Variants in SATB1 observed in about 807,000 individuals in gnomAD.
The protein encoded by SATB1 is SATB homeobox 1.
SATB1 carries 11 observed loss-of-function variants against 86.9 expected under a neutral mutation model. That is an observed-to-expected ratio of 0.13 (90% CI 0.08 to 0.21). The LOEUF is 0.21. SATB1 is among the 10% of genes least tolerant of loss of function. The pLI is 1.00. For missense variants in SATB1, 551 were observed against 937.6 expected, an observed-to-expected ratio of 0.59 and a Z score of 5.39; for synonymous variants, 357 against 357.2, an observed-to-expected ratio of 1.00 and a Z score of 0.01.
rs186307234 is a variant in SATB1 at position 18,387,275 on chromosome 3, C to G, written c.1207-664G>C. Among the ~76,000 whole-genome samples, 407 of 152,258 alleles carry G rather than the reference C, an allele frequency of 2.7e-3. 3 individuals carry two copies. The highest frequency in any genetic ancestry group is 4.0e-3 in the Non-Finnish European group (270 of 68,008). ...CTTGCTGTATTATACCACTGGGTAA[C>G]AGGTTTAAATTTTGAACTTTAAAAA... is the stretch of plus-strand genomic sequence containing the variant. On this transcript the variant is annotated intron_variant, in intron 7 of 10. Coordinates refer to ENST00000338745, the MANE Select transcript of SATB1 (RefSeq NM_002971.6).
At chr3:18,351,793 A>C (rs1448553846) in intron 10 of SATB1, 199 bp downstream of exon 10, 2 of 585,566 alleles carry the variant, frequency 3.4e-6, no homozygotes, top group East Asian at 5.7e-5. Flanking sequence ...GGAGATGAGG[A>C]AAGAGGAACA....
upstream of SATB1, among the ~76,000 whole-genome samples, chr3:18,442,159 T>C (rs557892057): frequency 2.0e-5 from 3 of 152,256 alleles, no homozygotes; most frequent in South Asian, 6.2e-4. Flanking sequence ...AGGTCTTCTT[T>C]CTCTATCTTC....
At chr3:18,440,715 T>C (rs546990594), upstream of SATB1, among the ~76,000 whole-genome samples, 16 of 152,210 alleles carry the variant, frequency 1.1e-4, no homozygotes, top group Non-Finnish European at 2.2e-4. Context: ...TGGATGATTT[T>C]TCGTGCCTGA....
At chr3:18,420,227 TAAAAC>T (rs1320333762) in intron 2 of SATB1, among the ~76,000 whole-genome samples, 1 of 152,108 alleles carries the variant, frequency 6.6e-6, no homozygotes, top group Non-Finnish European at 1.5e-5. Context: ...AATACCCAAT[TAAAAC>T]AAAAATAAAA....
At chr3:18,371,558 C>G (rs1695481870) in intron 9 of SATB1, among the ~76,000 whole-genome samples, 4 of 152,114 alleles carry the variant, frequency 2.6e-5, no homozygotes, top group African/African-American at 7.2e-5. Context: ...ACATTAGATT[C>G]ATTTTACTAA....
rs1694600062 is a variant in SATB1 at position 18,355,756 on chromosome 3, A to T, written c.1576-3561T>A. ...AGGAAGAACAGGGAACTGTTCTCTA[A>T]ATTAAATGAGCTCACAACTGTTTTG... is the stretch of plus-strand genomic sequence containing the variant. On this transcript the variant is annotated intron_variant, in intron 9 of 10. Coordinates refer to ENST00000338745, the MANE Select transcript of SATB1 (RefSeq NM_002971.6). Among the ~76,000 whole-genome samples the T allele has an allele frequency of 2.0e-5, 3 of 151,980 alleles. No homozygotes were observed. In the South Asian group the frequency reaches 6.2e-4, roughly 31 times the overall value.
chr3:18,425,705 G>T (rs1206368814), upstream of SATB1, among the ~76,000 whole-genome samples: 2 of 151,918 alleles, frequency 1.3e-5, no homozygotes, highest in African/African-American at 4.8e-5. Context: ...CGCCAGACGC[G>T]CCAGGGAGGG....
At position 18,386,672 on chromosome 3, in the gene SATB1, T is replaced by A; in HGVS notation, c.1207-61A>T. Reference sequence around the variant, plus strand: ...CCTTGCTTTGCCTGGCCAGCAGTGATCCTTCCCTTTTCTTCTCCACTCTGT... The same window carrying A: ...CCTTGCTTTGCCTGGCCAGCAGTGAACCTTCCCTTTTCTTCTCCACTCTGT... On this transcript the variant is annotated intron_variant, in intron 7 of 10. Transcript: ENST00000338745. The surrounding 1 kb of genome is among the most constrained non-coding windows in gnomAD (Gnocchi z 4.5). 1 of 1,350,432 alleles carries A rather than the reference T, an allele frequency of 7.4e-7. No homozygotes were observed. Among genetic ancestry groups the A allele is most frequent in the Non-Finnish European group, 1.1e-6 (1 of 944,048 alleles). 83.7% of individuals were successfully genotyped at this position (1,350,432 alleles called of 1,614,324 possible).
At chr3:18,403,109 A>G (rs910208364) in intron 5 of SATB1, among the ~76,000 whole-genome samples, 9 of 152,116 alleles carry the variant, frequency 5.9e-5, no homozygotes, top group African/African-American at 1.9e-4. Flanking sequence ...CAGGTAAAGC[A>G]AGACTGAAAT....
At chr3:18,411,192 A>G in intron 5 of SATB1, 1 of 323,454 alleles carries the variant, frequency 3.1e-6, no homozygotes, top group Non-Finnish European at 5.5e-6. Context: ...ACTTGGCTTA[A>G]AGATATCTTT....
upstream of SATB1, among the ~76,000 whole-genome samples, chr3:18,443,463 A>G (rs1427938174): frequency 6.6e-6 from 1 of 152,256 alleles, no homozygotes; most frequent in African/African-American, 2.4e-5. This position sits in a 1 kb window ranked among gnomAD's most constrained non-coding sequence, Gnocchi z 4.4. Flanking sequence ...CGCAGAGGTC[A>G]AAGTTGCCAA....
Position 18,444,246 on chromosome 3 carries a change from C to A in SATB1, c.-25+1272G>T, listed in dbSNP as rs1256183471. On this transcript the variant is annotated intron_variant, in intron 1 of 3. Transcript: ENST00000415069. The surrounding 1 kb of genome is among the most constrained non-coding windows in gnomAD (Gnocchi z 5.1). ...TGCTTCCTTCGGTCTTTTCCACTCC[C>A]CTTTCCTTTTCTAAAAGGGGCCATA... Among the ~76,000 whole-genome samples the A allele has an allele frequency of 6.6e-6, 1 of 152,056 alleles. No homozygotes were observed. The highest frequency in any genetic ancestry group is 2.4e-5 in the African/African-American group (1 of 41,402).
chr3:18,435,640 A>AT (rs1025131832), intron 2 of SATB1, among the ~76,000 whole-genome samples: 14 of 152,142 alleles, frequency 9.2e-5, no homozygotes, highest in African/African-American at 3.4e-4. Context: ...ACTTTCTTTA[A>AT]TTTTGAAAAG....
At chr3:18,385,957 G>A (rs567586592) in intron 8 of SATB1, among the ~76,000 whole-genome samples, 1 of 152,136 alleles carries the variant, frequency 6.6e-6, no homozygotes, top group African/African-American at 2.4e-5. Flanking sequence ...CAAATGAGAT[G>A]GTGTGTAATT....
intron 7 of SATB1, among the ~76,000 whole-genome samples, chr3:18,392,165 A>G (rs1185997425): frequency 6.6e-6 from 1 of 152,152 alleles, no homozygotes; most frequent in Non-Finnish European, 1.5e-5. Context: ...CAATCAAGCT[A>G]TACAAGGTAA....
Position 18,371,636 on chromosome 3 carries a change from C to G in SATB1, c.1575+6534G>C, listed in dbSNP as rs1010353295. 2.0e-5 allele frequency among the ~76,000 whole-genome samples: 3 copies of G among 152,250 alleles called. No individual in the cohort carries two copies. In the South Asian group the frequency reaches 6.2e-4, roughly 32 times the overall value. On this transcript the variant is annotated intron_variant, in intron 9 of 10. Transcript: ENST00000338745. ...GAAATTTTAATGGTACAGTTTCTTC[C>G]ACAGCTATTTTTCTATTGTCCTTTA...
At chr3:18,365,259 C>T (rs984282237) in intron 9 of SATB1, among the ~76,000 whole-genome samples, 6 of 152,170 alleles carry the variant, frequency 3.9e-5, no homozygotes, top group African/African-American at 1.4e-4. Context: ...GACATCATGT[C>T]ATCCAAGTAA....
rs1697011405 is a variant in SATB1 at position 18,397,239 on chromosome 3, C to T, written c.691G>A (p.Ala231Thr). Residue 231 changes from alanine (A) to threonine (T), a missense_variant, in exon 6 of 11, where the codon GCA (alanine) becomes ACA (threonine). By Grantham distance (58) the Ala-to-Thr change is moderately conservative. Coordinates refer to ENST00000338745, the MANE Select transcript of SATB1 (RefSeq NM_002971.6). The stretch of plus-strand genomic sequence containing the variant: ...CACCTTCCAAATTCTTGACATTTTG[C>T]TGCTGAGACATTTGCATAGTAAGTA... ...NSTYYANVSA[A>T]KCQEFGRWYK... The T allele has an allele frequency of 2.5e-6, 4 of 1,612,800 alleles. No individual in the cohort carries two copies. Among genetic ancestry groups the T allele is most frequent in the Non-Finnish European group, 3.4e-6 (4 of 1,178,918 alleles).
Position 18,352,329 on chromosome 3 carries a change from T to C in SATB1, c.1576-134A>G. 9.5e-6 allele frequency: 7 copies of C among 733,072 alleles called. No individual in the cohort carries two copies. Among genetic ancestry groups the C allele is most frequent in the South Asian group, 5.7e-5 (3 of 52,984 alleles). 45.4% of individuals were successfully genotyped at this position (733,072 alleles called of 1,614,324 possible). ...AGAACACACCATTCTGCTTTAAAAA[T>C]TGTTTTTAACTTGTTAAGAGAGGTT... On this transcript the variant is annotated intron_variant, in intron 9 of 10. Transcript: ENST00000338745. The surrounding 1 kb of genome is among the most constrained non-coding windows in gnomAD (Gnocchi z 4.1).
Sources: gnomAD v4.1 joint callset for allele counts (sites outside exome capture counted in the v4.1 genomes callset) on GRCh38, gnomAD v4.1.1 for gene constraint, Gnocchi (gnomAD v3.1) non-coding constraint, MANE v1.5 for transcripts, NCBI Gene and HGNC (gene_info 2026-07-23, HGNC 2026-07-21) for gene names.